PBRM1: variants seen among roughly 807,000 people sequenced by gnomAD.
The protein encoded by PBRM1 is polybromo 1.
PBRM1 carries 27 observed loss-of-function variants against 194.5 expected under a neutral mutation model. The ratio of observed to expected loss-of-function variants is 0.14; its 90% CI spans 0.10 to 0.19. The LOEUF (loss-of-function observed/expected upper bound fraction) is 0.19. Among genes scored for constraint, PBRM1 ranks in the 10% least tolerant of loss-of-function variants. PBRM1 has a pLI of 1.00. For synonymous variants in PBRM1, 655 were observed against 693.2 expected (o/e 0.94, Z 0.87); for missense variants, 1,466 against 2,077.2 (o/e 0.71, Z 5.72).
chr3:52,626,302 T>G (rs1333253513), intron 13 of PBRM1, among the ~76,000 whole-genome samples: 3 of 152,218 alleles, frequency 2.0e-5, no homozygotes. Context: ...ATCAATTTAG[T>G]TACCATGGTA....
chr3:52,565,359 T>G (rs968206948), intron 22 of PBRM1, among the ~76,000 whole-genome samples: 33 of 151,524 alleles, frequency 2.2e-4, no homozygotes, highest in African/African-American at 7.5e-4. Flanking sequence ...TACAAAAAAA[T>G]TAGCTGGGCT....
At chr3:52,681,953 G>A (rs1222616734), upstream of PBRM1, 1 of 161,552 alleles carries the variant, frequency 6.2e-6, no homozygotes, top group Non-Finnish European at 1.4e-5. Flanking sequence ...GGAGAAAACA[G>A]GCATATCAGT....
At chr3:52,570,218 C>A (rs909472841) in intron 22 of PBRM1, among the ~76,000 whole-genome samples, 3 of 152,210 alleles carry the variant, frequency 2.0e-5, no homozygotes, top group African/African-American at 7.2e-5. Flanking sequence ...CTCAGGTGAT[C>A]CGCCCTCCTT....
At chr3:52,547,674 T>C (rs901044050), downstream of PBRM1, 3 of 234,074 alleles carry the variant, frequency 1.3e-5, no homozygotes, top group Non-Finnish European at 1.7e-5. Flanking sequence ...TTTTTCATTT[T>C]GTTCTTTTAT....
intron 29 of PBRM1, among the ~76,000 whole-genome samples, chr3:52,549,364 C>T (rs1489208605): frequency 5.9e-5 from 9 of 151,954 alleles, no homozygotes; most frequent in Non-Finnish European, 1.5e-5. Flanking sequence ...CGGGGTTTTG[C>T]CATGTTGTCC....
chr3:52,624,575 C>T (rs2095383995), intron 13 of PBRM1, among the ~76,000 whole-genome samples: 1 of 152,190 alleles, frequency 6.6e-6, no homozygotes, highest in Non-Finnish European at 1.5e-5. Context: ...AGGGAATCAG[C>T]ACCTGCCAGT....
At chr3:52,571,623 T>A (rs1418100339) in intron 22 of PBRM1, among the ~76,000 whole-genome samples, 3 of 50,704 alleles carry the variant, frequency 5.9e-5, no homozygotes, top group East Asian at 6.7e-4. Flanking sequence ...CGAAACTCCA[T>A]CTCAAAAAAA....
chr3:52,659,102 C>T (rs1167016849), intron 4 of PBRM1, among the ~76,000 whole-genome samples: 1 of 152,164 alleles, frequency 6.6e-6, no homozygotes, highest in Non-Finnish European at 1.5e-5. Context: ...CAAATTAAGT[C>T]AAAACTAAAC....
chr3:52,587,233 A>G, intron 19 of PBRM1, 120 bp downstream of exon 21: 1 of 791,040 alleles, frequency 1.3e-6, no homozygotes, highest in Non-Finnish European at 2.1e-6. Context: ...CTATATAGAC[A>G]CGGCTTAAAA....
chr3:52,677,484 C>A (rs2097131872), intron 2 of PBRM1, among the ~76,000 whole-genome samples: 1 of 146,854 alleles, frequency 6.8e-6, no homozygotes. Context: ...ACGATCTCGG[C>A]TCACTGCAAC....
chr3:52,606,618 T>C (rs991345721), intron 16 of PBRM1, among the ~76,000 whole-genome samples: 1 of 152,220 alleles, frequency 6.6e-6, no homozygotes, highest in African/African-American at 2.4e-5. Context: ...CGAGGTCAGG[T>C]ATTCATTGAA....
At chr3:52,563,637 T>C (rs910739106) in intron 23 of PBRM1, 144 bp from the exon 26 acceptor site, 17 of 615,094 alleles carry the variant, frequency 2.8e-5, no homozygotes, top group Non-Finnish European at 4.0e-5. Context: ...AGAGTTTAAA[T>C]GTGTATTTAT....
At chr3:52,574,616 C>T (rs1019748205) in intron 22 of PBRM1, among the ~76,000 whole-genome samples, 1 of 152,132 alleles carries the variant, frequency 6.6e-6, no homozygotes, top group African/African-American at 2.4e-5. Flanking sequence ...CACACACATG[C>T]CAACAATAGT....
At chr3:52,559,865 C>T (rs1158023840) in intron 25 of PBRM1, among the ~76,000 whole-genome samples, 2 of 141,030 alleles carry the variant, frequency 1.4e-5, no homozygotes, top group Non-Finnish European at 3.1e-5. Context: ...AAAAAAAAAT[C>T]GACCTAGGGT....
At chr3:52,569,166 A>ATCCC (rs1470011034) in intron 22 of PBRM1, among the ~76,000 whole-genome samples, 1 of 151,542 alleles carries the variant, frequency 6.6e-6, no homozygotes, top group Non-Finnish European at 1.5e-5. Context: ...GGGATTGATA[A>ATCCC]CAGGAGTGAG....
chr3:52,617,815 G>A (rs551383469), intron 13 of PBRM1, among the ~76,000 whole-genome samples: 22 of 152,254 alleles, frequency 1.4e-4, no homozygotes, highest in Non-Finnish European at 2.9e-4. Context: ...TTTGAAATAA[G>A]ATCCTCTCTG....
chr3:52,617,238 T>G (rs1034817484), intron 14 of PBRM1, 24 bp downstream of exon 16: 4 of 1,605,888 alleles, frequency 2.5e-6, no homozygotes, highest in Non-Finnish European at 2.6e-6. Context: ...ATGTGCCTAC[T>G]TCAGGACCGC....
chr3:52,633,614 T>C (rs2095695325), intron 11 of PBRM1, among the ~76,000 whole-genome samples: 1 of 152,210 alleles, frequency 6.6e-6, no homozygotes, highest in Non-Finnish European at 1.5e-5. Context: ...TCTATACCAT[T>C]TTACATTCCC....
intron 2 of PBRM1, among the ~76,000 whole-genome samples, chr3:52,677,570 G>A (rs1044546917): frequency 1.1e-4 from 16 of 152,084 alleles, no homozygotes; most frequent in African/African-American, 3.4e-4. Flanking sequence ...CCACCACCAA[G>A]CCTGGCTAAT....
Sources: allele counts gnomAD v4.1 joint callset (sites outside exome capture counted in the v4.1 genomes callset), GRCh38; gene constraint gnomAD v4.1.1; transcripts MANE v1.5; gene names NCBI Gene and HGNC (gene_info 2026-07-23, HGNC 2026-07-21).